The following PACRG variants were observed in gnomAD, a reference collection of about 807,000 sequenced individuals.
The protein encoded by PACRG is parkin coregulated, also known as parkin coregulated gene protein.
In PACRG, 29 loss-of-function variants were observed where a neutral mutation model predicts 29.7. That is an observed-to-expected ratio of 0.98 (90% CI 0.73 to 1.33). The LOEUF (loss-of-function observed/expected upper bound fraction) is 1.33, where lower values mean the gene tolerates loss of function less well. Ranked by LOEUF, PACRG falls within the 40% of genes most tolerant of loss-of-function variation. The probability of loss-of-function intolerance (pLI) is 0.00; values close to 1 mark genes in which losing one functional copy is unlikely to be tolerated. For synonymous variants in PACRG, 116 were observed against 118.7 expected (o/e 0.98, Z 0.15); for missense variants, 279 against 316.2 (o/e 0.88, Z 0.89).
intron 2 of PACRG, among the ~76,000 whole-genome samples, chr6:162,847,024 C>G (rs547791168): frequency 6.6e-6 from 1 of 151,170 alleles, no homozygotes; most frequent in South Asian, 2.1e-4. Context: ...GCCCCCCACA[C>G]TGCCGTGCTC....
intron 2 of PACRG, among the ~76,000 whole-genome samples, chr6:162,953,170 A>G (rs185618050): frequency 6.6e-6 from 1 of 152,300 alleles, no homozygotes; most frequent in South Asian, 2.1e-4. Flanking sequence ...CTCTCCTTAT[A>G]ACCTATATTT....
chr6:162,857,429 T>G (rs1460224576), intron 2 of PACRG, among the ~76,000 whole-genome samples: 1 of 152,212 alleles, frequency 6.6e-6, no homozygotes, highest in Non-Finnish European at 1.5e-5. Flanking sequence ...CTTTACAAAA[T>G]TCCCTAGAGA....
intron 2 of PACRG, among the ~76,000 whole-genome samples, chr6:162,827,523 C>A (rs1788387353): frequency 6.6e-6 from 1 of 152,152 alleles, no homozygotes; most frequent in African/African-American, 2.4e-5. Context: ...AAATAATGAG[C>A]TCCACGACCA....
intron 4 of PACRG, among the ~76,000 whole-genome samples, chr6:163,148,250 A>C (rs1258752908): frequency 6.6e-6 from 1 of 152,214 alleles, no homozygotes; most frequent in Non-Finnish European, 1.5e-5. Context: ...TTTTCACGTC[A>C]GTCATCTCTG....
intron 1 of PACRG, among the ~76,000 whole-genome samples, chr6:162,774,473 C>T (rs1057121392): frequency 6.6e-6 from 1 of 152,198 alleles, no homozygotes; most frequent in Non-Finnish European, 1.5e-5. Context: ...TATGGAATTG[C>T]TTTCCCATAG....
At chr6:163,046,053 C>T (rs548934783) in intron 2 of PACRG, among the ~76,000 whole-genome samples, 47 of 152,070 alleles carry the variant, frequency 3.1e-4, no homozygotes, top group Non-Finnish European at 5.4e-4. Flanking sequence ...AGTCCAGACT[C>T]AGCCTGCAGA....
At chr6:162,880,731 T>C (rs933992831) in intron 2 of PACRG, among the ~76,000 whole-genome samples, 1 of 152,246 alleles carries the variant, frequency 6.6e-6, no homozygotes, top group Non-Finnish European at 1.5e-5. Flanking sequence ...TTGTGCCTCA[T>C]ACGTATTACA....
chr6:163,026,363 G>A (rs185357909), intron 2 of PACRG, among the ~76,000 whole-genome samples: 59 of 152,256 alleles, frequency 3.9e-4, no homozygotes, highest in African/African-American at 1.4e-3. Context: ...TTATTTTGGT[G>A]CAGTTTAACT....
At chr6:162,774,702 T>C (rs1196863252) in intron 1 of PACRG, among the ~76,000 whole-genome samples, 1 of 152,228 alleles carries the variant, frequency 6.6e-6, no homozygotes, top group African/African-American at 2.4e-5. Context: ...CTTAATGTTT[T>C]TTTCTAGCTT....
At chr6:163,240,712 C>G (rs1782468568) in intron 4 of PACRG, among the ~76,000 whole-genome samples, 1 of 152,224 alleles carries the variant, frequency 6.6e-6, no homozygotes, top group Admixed American at 6.5e-5. Flanking sequence ...CCCTAAACTC[C>G]TTGTTCATGG....
chr6:162,874,971 A>G (rs902439781), intron 2 of PACRG, among the ~76,000 whole-genome samples: 4 of 152,008 alleles, frequency 2.6e-5, no homozygotes, highest in African/African-American at 9.7e-5. Flanking sequence ...GGTCACACAC[A>G]TTTACACACA....
chr6:163,265,399 G>T (rs2128177064), intron 4 of PACRG, among the ~76,000 whole-genome samples: 1 of 152,270 alleles, frequency 6.6e-6, no homozygotes, highest in Middle Eastern at 3.4e-3. Flanking sequence ...TCCAGGGAAG[G>T]GGGTGGGGGG....
intron 2 of PACRG, among the ~76,000 whole-genome samples, chr6:162,947,613 T>TATATATATATAAAC (rs1562767286): frequency 1.3e-4 from 2 of 14,914 alleles, no homozygotes; most frequent in Non-Finnish European, 3.0e-4. Context: ...TATATAATCA[T>TATATATATATAAAC]ATATATATAT....
At chr6:162,738,985 T>C (rs1443092053) in intron 1 of PACRG, among the ~76,000 whole-genome samples, 1 of 152,172 alleles carries the variant, frequency 6.6e-6, no homozygotes, top group Non-Finnish European at 1.5e-5. Context: ...CATCCTATTG[T>C]AGGATTCCTT....
intron 4 of PACRG, among the ~76,000 whole-genome samples, chr6:163,277,173 T>C (rs1018271751): frequency 6.6e-5 from 10 of 152,072 alleles, no homozygotes; most frequent in Admixed American, 3.3e-4. Context: ...AGTTCTTTAG[T>C]GGTGATTTCT....
chr6:162,734,757 G>T (rs934192476), intron 1 of PACRG, among the ~76,000 whole-genome samples: 3 of 152,132 alleles, frequency 2.0e-5, no homozygotes, highest in African/African-American at 7.2e-5. Flanking sequence ...AGATTTCTAG[G>T]TTTTTCTTAC....
chr6:163,142,718 C>A (rs1194449914), intron 4 of PACRG, among the ~76,000 whole-genome samples: 1 of 152,188 alleles, frequency 6.6e-6, no homozygotes. Context: ...TGAAGTAGGA[C>A]TGTCCTTGGA....
At chr6:163,110,206 C>T (rs949155026) in intron 4 of PACRG, among the ~76,000 whole-genome samples, 5 of 152,296 alleles carry the variant, frequency 3.3e-5, no homozygotes, top group African/African-American at 7.2e-5. Flanking sequence ...AGATTCATGA[C>T]GCCAGTCTGG....
At chr6:162,796,492 C>T (rs777011570) in intron 1 of PACRG, among the ~76,000 whole-genome samples, 71 of 152,134 alleles carry the variant, frequency 4.7e-4, no homozygotes, top group Middle Eastern at 3.4e-3. Flanking sequence ...ATCTTTATAA[C>T]GGTATATCAC....
Sources: allele counts gnomAD v4.1 joint callset (sites outside exome capture counted in the v4.1 genomes callset), GRCh38; gene constraint gnomAD v4.1.1; transcripts MANE v1.5; gene names NCBI Gene and HGNC (gene_info 2026-07-23, HGNC 2026-07-21).